SP140: variants seen among roughly 807,000 people sequenced by gnomAD.
SP140 encodes SP140 nuclear body protein.
Under a neutral mutation model 125.0 loss-of-function variants are expected in SP140, and 81 were observed. That is an observed-to-expected ratio of 0.65 (90% CI 0.54 to 0.78). The LOEUF (loss-of-function observed/expected upper bound fraction) is 0.78. Ranked by LOEUF, SP140 falls within the 30% of genes least tolerant of loss-of-function variation. The pLI, the probability that SP140 is intolerant of heterozygous loss-of-function variation, is 0.00. For synonymous variants in SP140, 312 were observed against 354.0 expected (o/e 0.88, Z 1.33); for missense variants, 858 against 1,037.0 (o/e 0.83, Z 2.37).
chr2:230,223,487 T>C (rs1479352618), upstream of SP140, among the ~76,000 whole-genome samples: 1 of 152,228 alleles, frequency 6.6e-6, no homozygotes, highest in East Asian at 1.9e-4. Flanking sequence ...CTACCCAATA[T>C]AGTTCTAAGA....
chr2:230,290,497 G>C lies in SP140; in HGVS notation c.1758G>C (p.Lys586Asn), dbSNP rs771702086. The stretch of plus-strand genomic sequence containing the variant: ...ACAAAGATGAAACTGTGGATTTTAA[G>C]GCTCCTTTGCTTCCAGTGACCTGTG... ...RKHKDETVDF[K>N]APLLPVTCGG... Residue 586 changes from lysine to asparagine, a missense_variant, in exon 19 of 27, where the codon AAG (lysine) becomes AAC (asparagine). Transcript: ENST00000392045. 1 of 1,613,722 alleles carries C rather than the reference G, an allele frequency of 6.2e-7. No individual in the cohort carries two copies. The highest frequency in any genetic ancestry group is 8.5e-7 in the Non-Finnish European group (1 of 1,179,940).
intron 3 of SP140, chr2:230,216,892 AAG>A: frequency 6.2e-7 from 1 of 1,614,054 alleles, no homozygotes; most frequent in Non-Finnish European, 8.5e-7. Context: ...AGTGCTGAAA[AAG>A]AGCCTCTTCC....
At chr2:230,240,516 A>G (rs1436435020) in intron 3 of SP140, among the ~76,000 whole-genome samples, 1 of 152,264 alleles carries the variant, frequency 6.6e-6, no homozygotes, top group African/African-American at 2.4e-5. Context: ...ATTTGAACAG[A>G]CATTTCAAGA....
rs1326194173 is a variant in SP140, at chr2:230,237,226, G to A, written c.203G>A (p.Arg68Gln). ...TRPFPFLMGL[R>Q]DRSFISEQMY... is the part of the protein sequence containing the mutation. ...CCATTTCCTTTCCTTATGGGCCTCC[G>A]AGACCGCTCCTTCATCTCCGAGCAG... Residue 68 changes from arginine (R) to glutamine (Q), a missense_variant, in exon 2 of 27, where the codon CGA becomes CAA. Physicochemically the swap from Arg to Gln is conservative, Grantham distance 43. Transcript: ENST00000392045. This position sits in a 1 kb window ranked among gnomAD's most constrained non-coding sequence, Gnocchi z 5.4. The A allele has an allele frequency of 3.7e-6, 6 of 1,612,024 alleles. No homozygotes were observed. Among genetic ancestry groups the A allele is most frequent in the Non-Finnish European group, 4.2e-6 (5 of 1,179,488 alleles).
intron 7 of SP140, 35 bp from the exon 8 acceptor site, chr2:230,247,881 C>A (rs1390154325): frequency 1.2e-6 from 2 of 1,600,450 alleles, no homozygotes; most frequent in South Asian, 1.1e-5. Flanking sequence ...ATGGAAATTA[C>A]ATACACTCTC....
At chr2:230,288,032 A>G (rs1262767690) in intron 18 of SP140, 66 bp downstream of exon 18, 4 of 1,313,860 alleles carry the variant, frequency 3.0e-6, no homozygotes, top group Non-Finnish European at 4.2e-6. Context: ...GGTACACTGT[A>G]CTTTCAGTAA....
In SP140 at chr2:230,297,456, C is replaced by A. The variant is rs1456315257; in HGVS notation, c.2052C>A (p.Asp684Glu). ...AGTCTCAAAACAATAGCTCAGTTGA[C>A]CCTTGTGTAAGTACAAATTCTGAAC... ...ILKSQNNSSV[D>E]PCMRNLDECE... The change falls in exon 22 of 27, where the codon GAC becomes GAA. Residue 684 changes from aspartate to glutamate, a missense_variant. By Grantham distance (45) the Asp-to-Glu change is conservative. This residue lies in a region of SP140 where 791 missense variants were observed against 869.5 expected (regional missense o/e 0.91). Coordinates refer to ENST00000392045, the MANE Select transcript of SP140 (RefSeq NM_007237.5). 1 of 1,613,856 alleles carries A rather than the reference C, an allele frequency of 6.2e-7. No individual in the cohort carries two copies. Among genetic ancestry groups the A allele is most frequent in the Non-Finnish European group, 8.5e-7 (1 of 1,179,748 alleles).
At chr2:230,212,291 T>C in intron 1 of SP140, 4 of 1,294,262 alleles carry the variant, frequency 3.1e-6, no homozygotes, top group Non-Finnish European at 4.5e-6. Context: ...GGCAGACGCA[T>C]GTTCTCCCTT....
At chr2:230,191,048 C>T in the SP140 span, among the ~76,000 whole-genome samples, 12,056 of 152,088 alleles carry the variant, frequency 0.079, 659 homozygotes, top group South Asian at 0.25. Flanking sequence ...GGATCTTCTT[C>T]GATTCCATAT....
chr2:230,257,840 G>T (rs1213451645), intron 12 of SP140, among the ~76,000 whole-genome samples: 1 of 152,062 alleles, frequency 6.6e-6, no homozygotes, highest in African/African-American at 2.4e-5. Flanking sequence ...TCAGTTAAGG[G>T]ATAGTTGTGC....
chr2:230,270,912 G>A, intron 15 of SP140: 1 of 477,232 alleles, frequency 2.1e-6, no homozygotes, highest in South Asian at 1.7e-5. Flanking sequence ...TAATCTTGTA[G>A]GCCTTAAAGA....
chr2:230,281,949 A>C (rs958416651), intron 15 of SP140, among the ~76,000 whole-genome samples: 3 of 152,162 alleles, frequency 2.0e-5, no homozygotes, highest in Non-Finnish European at 4.4e-5. Context: ...TAGATGCATC[A>C]GTTCTTTCCC....
At chr2:230,293,556 C>T (rs890485943) in intron 20 of SP140, among the ~76,000 whole-genome samples, 9 of 152,088 alleles carry the variant, frequency 5.9e-5, no homozygotes, top group Admixed American at 3.3e-4. Flanking sequence ...AGGCTGATCT[C>T]GAATTCCTGG....
chr2:230,211,634 C>T lies in SP140; in HGVS notation c.-322-2020C>T. ...TGAGGAGAAAAGAGAATGCTCTATT[C>T]CAACAAGTAAAAATGACGGGGTAAC... On this transcript the variant is annotated intron_variant, in intron 1 of 4. Transcript: ENST00000456542. The surrounding 1 kb of genome is among the most constrained non-coding windows in gnomAD (Gnocchi z 4.2). 2.2e-6 allele frequency: 2 copies of T among 890,110 alleles called. No homozygotes were observed. Among genetic ancestry groups the T allele is most frequent in the Non-Finnish European group, 3.8e-6 (2 of 524,722 alleles). The allele number at this position is 890,110 out of a possible 1,614,324, so 55.1% of individuals were successfully genotyped here. A position where few individuals can be genotyped will look rare whatever the true frequency, so the allele number is the denominator to read the frequency against.
chr2:230,312,930 A>G lies in SP140; in HGVS notation c.*246A>G. ...ATCACAGGGAAGGATGTTGGCAGCG[A>G]CACCATCCCATACAGGCTCTTACCT... On this transcript the variant is annotated 3_prime_UTR_variant, in exon 27 of 27. Coordinates refer to ENST00000392045, the MANE Select transcript of SP140 (RefSeq NM_007237.5). 1 of 388,104 alleles carries G rather than the reference A, an allele frequency of 2.6e-6. No individual in the cohort carries two copies. Among genetic ancestry groups the G allele is most frequent in the Non-Finnish European group, 4.7e-6 (1 of 212,232 alleles). The allele number at this position is 388,104 out of a possible 1,614,324, so 24.0% of individuals were successfully genotyped here.
intron 1 of SP140, among the ~76,000 whole-genome samples, chr2:230,227,699 A>G (rs1442723927): frequency 6.6e-6 from 1 of 152,156 alleles, no homozygotes; most frequent in Admixed American, 6.5e-5. Context: ...CTGTGACCAA[A>G]TTTGTAGGTG....
At chr2:230,255,258 G>A (rs1004681564) in intron 11 of SP140, among the ~76,000 whole-genome samples, 194 bp from the exon 12 acceptor site, 31 of 152,210 alleles carry the variant, frequency 2.0e-4, no homozygotes, top group African/African-American at 7.0e-4. Flanking sequence ...ATGGTTCTCA[G>A]CCTTGGTGGC....
chr2:230,297,171 G>A (rs922671291), intron 21 of SP140, among the ~76,000 whole-genome samples: 4 of 152,208 alleles, frequency 2.6e-5, no homozygotes, highest in Non-Finnish European at 4.4e-5. Context: ...ATGATAATTA[G>A]AGGTTAGATG....
chr2:230,251,147 C>T, intron 10 of SP140, 86 bp downstream of exon 10: 1 of 1,087,838 alleles, frequency 9.2e-7, no homozygotes, highest in Non-Finnish European at 1.4e-6. Flanking sequence ...TGTCTTTCCT[C>T]CAAGTATACT....
Sources: allele counts gnomAD v4.1 joint callset (sites outside exome capture counted in the v4.1 genomes callset), GRCh38; gene constraint gnomAD v4.1.1; regional missense constraint gnomAD v4.1.1; non-coding constraint Gnocchi (gnomAD v3.1); transcripts MANE v1.5; gene names NCBI Gene and HGNC (gene_info 2026-07-23, HGNC 2026-07-21).